DUSP16: variants seen among roughly 807,000 people sequenced by gnomAD.
DUSP16 encodes the protein dual specificity protein phosphatase 16.
In DUSP16, 21 loss-of-function variants were observed where a neutral mutation model predicts 58.3. The observed-to-expected ratio is 0.36, with a 90% CI of 0.26 to 0.52. The LOEUF (loss-of-function observed/expected upper bound fraction) is 0.52, where lower values mean the gene tolerates loss of function less well. DUSP16 is among the 20% of genes least tolerant of loss of function. DUSP16 has a pLI of 0.94. For synonymous variants in DUSP16, 320 were observed against 323.8 expected (o/e 0.99, Z 0.12); for missense variants, 726 against 819.0 (o/e 0.89, Z 1.39).
intron 1 of DUSP16, among the ~76,000 whole-genome samples, chr12:12,552,869 C>T (rs887392255): frequency 8.5e-5 from 13 of 152,142 alleles, no homozygotes; most frequent in South Asian, 2.1e-4. Context: ...CAACCTCTGC[C>T]TCCCGGGTTC....
chr12:12,523,938 T>A (rs1307746923), intron 1 of DUSP16, among the ~76,000 whole-genome samples: 2 of 152,186 alleles, frequency 1.3e-5, no homozygotes, highest in Non-Finnish European at 2.9e-5. Flanking sequence ...CAAGAGCAAG[T>A]TGATTCCAAC....
intron 3 of DUSP16, among the ~76,000 whole-genome samples, chr12:12,513,678 C>G (rs1189237003): frequency 6.6e-6 from 1 of 152,190 alleles, no homozygotes; most frequent in African/African-American, 2.4e-5. Context: ...ATTAATAAGC[C>G]TGGCAGAGCC....
intron 1 of DUSP16, among the ~76,000 whole-genome samples, chr12:12,546,037 C>T (rs893707552): frequency 6.6e-6 from 1 of 152,072 alleles, no homozygotes; most frequent in Non-Finnish European, 1.5e-5. Flanking sequence ...ACATCATGTA[C>T]TTTTAGAAAC....
At chr12:12,518,036 G>A (rs1412264730) in intron 3 of DUSP16, among the ~76,000 whole-genome samples, 2 of 152,182 alleles carry the variant, frequency 1.3e-5, no homozygotes, top group South Asian at 2.1e-4. Flanking sequence ...TTTGGTAAAG[G>A]AGTAAAGGGT....
chr12:12,494,947 A>C (rs1348519768), intron 4 of DUSP16, among the ~76,000 whole-genome samples: 1 of 152,134 alleles, frequency 6.6e-6, no homozygotes, highest in Non-Finnish European at 1.5e-5. Context: ...GGCACGGAAT[A>C]AAGTAAAGTA....
chr12:12,479,267 T>C (rs923646350), intron 6 of DUSP16, among the ~76,000 whole-genome samples: 5 of 133,164 alleles, frequency 3.8e-5, no homozygotes, highest in Non-Finnish European at 6.5e-5. Context: ...TGCATTTGAA[T>C]AAGGAACAAG....
intron 4 of DUSP16, among the ~76,000 whole-genome samples, chr12:12,490,610 C>G (rs185891602): frequency 2.0e-5 from 3 of 152,152 alleles, no homozygotes; most frequent in Non-Finnish European, 4.4e-5. Context: ...ATTTCTGATG[C>G]AGGACCACAG....
At chr12:12,483,239 TAC>T (rs963893566) in intron 5 of DUSP16, among the ~76,000 whole-genome samples, 16 of 152,130 alleles carry the variant, frequency 1.1e-4, no homozygotes, top group Non-Finnish European at 1.2e-4. Flanking sequence ...TAAGAGGTGT[TAC>T]AGAGTCCAGC....
At position 12,475,753 on chromosome 12, in the gene DUSP16, T is replaced by A. The variant is rs992185516; in HGVS notation, c.*1080A>T. ...TCCCATAATTTACCTCCCTAGGAAG[T>A]TTCCTATAAAATTCTGCCATATTAT... On this transcript the variant is annotated 3_prime_UTR_variant, in exon 7 of 7. Transcript: ENST00000298573. The A allele has an allele frequency of 1.3e-5, 2 of 152,220 alleles. No homozygotes were observed. The highest frequency in any genetic ancestry group is 2.4e-5 in the African/African-American group (1 of 41,458). The allele number at this position is 152,220 out of a possible 1,614,324, so 9.4% of individuals were successfully genotyped here.
At chr12:12,505,320 A>G (rs1289967121) in intron 3 of DUSP16, among the ~76,000 whole-genome samples, 1 of 152,244 alleles carries the variant, frequency 6.6e-6, no homozygotes, top group Non-Finnish European at 1.5e-5. Flanking sequence ...TAAAAAGGCC[A>G]TGGTCCTCTC....
At chr12:12,529,665 A>C (rs553371430) in intron 1 of DUSP16, among the ~76,000 whole-genome samples, 2 of 152,216 alleles carry the variant, frequency 1.3e-5, no homozygotes, top group African/African-American at 4.8e-5. Context: ...ATTTACTTTC[A>C]CCAACATCTC....
intron 4 of DUSP16, among the ~76,000 whole-genome samples, chr12:12,492,856 G>A (rs999405360): frequency 1.3e-5 from 2 of 152,100 alleles, no homozygotes; most frequent in Non-Finnish European, 2.9e-5. Context: ...ACACTCGACT[G>A]CTCCTTCCTC....
chr12:12,494,038 A>G (rs1943796402), intron 4 of DUSP16, among the ~76,000 whole-genome samples: 1 of 152,232 alleles, frequency 6.6e-6, no homozygotes, highest in Non-Finnish European at 1.5e-5. Flanking sequence ...GGGCGAATAC[A>G]TGAACGAACC....
rs576410197 is a variant in DUSP16, at chr12:12,514,725, G to A, written c.367+5137C>T. ...GCTCTGTCGCCCAGGCTGGAGTTCA[G>A]TGGCACAATCACGGCTCGCTGCAAC... is the stretch of plus-strand genomic sequence containing the variant. On this transcript the variant is annotated intron_variant, in intron 3 of 6. Coordinates refer to ENST00000298573, the MANE Select transcript of DUSP16 (RefSeq NM_030640.3). Among the ~76,000 whole-genome samples, 12 of 152,304 alleles carry A rather than the reference G, an allele frequency of 7.9e-5. No homozygotes were observed. In the South Asian group the frequency reaches 1.9e-3, roughly 24 times the overall value.
At chr12:12,485,446 C>G (rs1943664722) in intron 5 of DUSP16, 1 of 152,130 alleles carries the variant, frequency 6.6e-6, no homozygotes, top group Admixed American at 6.5e-5. Flanking sequence ...ACTTAAAGTT[C>G]CAAAAGCATT....
chr12:12,499,125 G>C (rs1943874140), intron 4 of DUSP16, among the ~76,000 whole-genome samples: 1 of 152,170 alleles, frequency 6.6e-6, no homozygotes, highest in Admixed American at 6.5e-5. Context: ...AAAACTATCT[G>C]TAACACAATT....
chr12:12,517,467 C>T (rs920224722), intron 3 of DUSP16, among the ~76,000 whole-genome samples: 2 of 152,216 alleles, frequency 1.3e-5, no homozygotes, highest in Non-Finnish European at 2.9e-5. Flanking sequence ...TTCTGTCCCA[C>T]ATCCCTGGCT....
chr12:12,507,054 A>G (rs965100013), intron 3 of DUSP16, among the ~76,000 whole-genome samples: 17 of 152,186 alleles, frequency 1.1e-4, no homozygotes, highest in African/African-American at 3.9e-4. Context: ...TGGGGGGGAA[A>G]AATCTGCCAA....
intron 4 of DUSP16, among the ~76,000 whole-genome samples, chr12:12,499,943 G>A (rs1943885779): frequency 6.6e-6 from 1 of 151,950 alleles, no homozygotes; most frequent in Non-Finnish European, 1.5e-5. Context: ...TAGGGCCCGT[G>A]TCTTTTTCAT....
Sources: allele counts gnomAD v4.1 joint callset (sites outside exome capture counted in the v4.1 genomes callset), GRCh38; gene constraint gnomAD v4.1.1; transcripts MANE v1.5; gene names NCBI Gene and HGNC (gene_info 2026-07-23, HGNC 2026-07-21).